The following SNTG1 variants were observed in gnomAD, a reference collection of about 807,000 sequenced individuals.
The protein encoded by SNTG1 is gamma-1-syntrophin.
In SNTG1, 39 loss-of-function variants were observed where a neutral mutation model predicts 74.7. The ratio of observed to expected loss-of-function variants is 0.52; its 90% CI spans 0.40 to 0.68. The LOEUF (loss-of-function observed/expected upper bound fraction) is 0.68. SNTG1 is among the 30% of genes least tolerant of loss of function. SNTG1 has a pLI of 0.00. For synonymous variants in SNTG1, 254 were observed against 217.1 expected (o/e 1.17, Z -1.49); for missense variants, 685 against 609.5 (o/e 1.12, Z -1.30).
At chr8:50,621,163 T>C (rs2094920922) in intron 13 of SNTG1, among the ~76,000 whole-genome samples, 1 of 152,110 alleles carries the variant, frequency 6.6e-6, no homozygotes, top group East Asian at 1.9e-4. Context: ...TACTCTATTT[T>C]TCTCAGATCT....
At chr8:50,008,385 G>A (rs1194932285) in intron 1 of SNTG1, among the ~76,000 whole-genome samples, 1 of 152,166 alleles carries the variant, frequency 6.6e-6, no homozygotes, top group Non-Finnish European at 1.5e-5. Flanking sequence ...GTCTGGATAA[G>A]CACCTGATTA....
intron 2 of SNTG1, among the ~76,000 whole-genome samples, chr8:50,245,731 T>C (rs1310457919): frequency 2.0e-5 from 3 of 151,928 alleles, no homozygotes; most frequent in African/African-American, 4.8e-5. Context: ...GGATGTAAAA[T>C]AGATGTAAAG....
chr8:50,132,681 G>A (rs148530744), intron 1 of SNTG1, among the ~76,000 whole-genome samples: 1,733 of 152,284 alleles, frequency 0.011, 13 homozygotes, highest in Middle Eastern at 0.041. Context: ...CCATTGGACA[G>A]TGACTCTGCA....
At chr8:50,232,876 C>G (rs556603954) in intron 2 of SNTG1, among the ~76,000 whole-genome samples, 1 of 151,370 alleles carries the variant, frequency 6.6e-6, no homozygotes, top group South Asian at 2.1e-4. Flanking sequence ...CTTAAAACAC[C>G]TACAGGACTT....
In SNTG1 at chr8:50,656,997, C is replaced by A; in HGVS notation, c.938C>A (p.Ser313Ter). The change falls in exon 14 of 19, where the codon TCA (serine) becomes TAA (stop). Residue 313 changes from serine to a stop codon, truncating the protein, a stop_gained. Coordinates refer to ENST00000642720, the MANE Select transcript of SNTG1 (RefSeq NM_018967.5). LOFTEE classifies it high-confidence loss of function. ...YSPTFLALRG[S>*]CLYKFLAPPV... is the part of the protein sequence containing the mutation. The stretch of plus-strand genomic sequence containing the variant: ...CCGACCTTCCTGGCCCTGAGGGGCT[C>A]ATGTCTCTACAAGTTTCTGGCACCT... The A allele has an allele frequency of 6.4e-7, 1 of 1,569,982 alleles. No homozygotes were observed. The highest frequency in any genetic ancestry group is 8.6e-7 in the Non-Finnish European group (1 of 1,161,070).
chr8:50,010,554 C>T (rs1293183783), intron 1 of SNTG1, among the ~76,000 whole-genome samples: 3 of 151,982 alleles, frequency 2.0e-5, no homozygotes, highest in African/African-American at 7.2e-5. Context: ...ATCATATACC[C>T]TAAAGAATCA....
intron 11 of SNTG1, among the ~76,000 whole-genome samples, chr8:50,547,915 T>C (rs1453493513): frequency 6.6e-6 from 1 of 152,106 alleles, no homozygotes; most frequent in East Asian, 1.9e-4. Context: ...GATTCAGGAA[T>C]AAAAGGACAG....
At chr8:50,560,720 T>A (rs1356990871) in intron 12 of SNTG1, among the ~76,000 whole-genome samples, 1 of 151,860 alleles carries the variant, frequency 6.6e-6, no homozygotes, top group Non-Finnish European at 1.5e-5. Context: ...CTGGTTGTTG[T>A]TGGAGGGGAG....
chr8:50,102,638 C>G (rs2080184257), intron 1 of SNTG1, among the ~76,000 whole-genome samples: 2 of 149,102 alleles, frequency 1.3e-5, no homozygotes, highest in African/African-American at 5.1e-5. Context: ...CTTGCCCATG[C>G]CTATGTCCTG....
At chr8:50,749,305 G>A (rs1250335007) in intron 17 of SNTG1, among the ~76,000 whole-genome samples, 2 of 152,042 alleles carry the variant, frequency 1.3e-5, no homozygotes, top group Non-Finnish European at 2.9e-5. Context: ...AGAAGCTGAA[G>A]AAGAAAAGGT....
chr8:50,702,289 TG>T (rs1212019164), intron 15 of SNTG1, among the ~76,000 whole-genome samples: 2 of 152,272 alleles, frequency 1.3e-5, no homozygotes, highest in Middle Eastern at 3.4e-3. Context: ...ATCATTAGAT[TG>T]TACTCTCAAA....
intron 13 of SNTG1, among the ~76,000 whole-genome samples, chr8:50,617,743 G>A (rs2094894927): frequency 1.3e-5 from 2 of 152,148 alleles, no homozygotes; most frequent in Non-Finnish European, 2.9e-5. Context: ...ACATGACTGG[G>A]GGCTGCATGC....
chr8:49,972,193 G>A (rs560974388), intron 1 of SNTG1, among the ~76,000 whole-genome samples: 3 of 152,094 alleles, frequency 2.0e-5, no homozygotes. Context: ...ACAGAACAGA[G>A]CCCTCAGAAA....
chr8:50,175,179 G>T (rs916865934), intron 2 of SNTG1, among the ~76,000 whole-genome samples: 1 of 152,120 alleles, frequency 6.6e-6, no homozygotes, highest in Non-Finnish European at 1.5e-5. Flanking sequence ...ACATACGTGT[G>T]CATGTGTCTT....
chr8:50,209,998 G>A (rs1007340036), intron 2 of SNTG1, among the ~76,000 whole-genome samples: 11 of 152,168 alleles, frequency 7.2e-5, no homozygotes, highest in African/African-American at 2.7e-4. Flanking sequence ...TAGACGAATG[G>A]CTAACTAGAA....
chr8:50,450,418 G>A, intron 6 of SNTG1, 138 bp from the exon 7 acceptor site: 2 of 825,528 alleles, frequency 2.4e-6, no homozygotes, highest in Non-Finnish European at 3.7e-6. Flanking sequence ...TCCATTTTTT[G>A]TGGATCTTTT....
At chr8:49,966,974 A>G (rs1026571381) in intron 1 of SNTG1, among the ~76,000 whole-genome samples, 6 of 152,152 alleles carry the variant, frequency 3.9e-5, no homozygotes, top group African/African-American at 1.2e-4. Flanking sequence ...ATTTTTTTCA[A>G]TAATCTATAA....
At chr8:50,249,767 C>T (rs542241393) in intron 2 of SNTG1, among the ~76,000 whole-genome samples, 1 of 152,064 alleles carries the variant, frequency 6.6e-6, no homozygotes, top group Non-Finnish European at 1.5e-5. Flanking sequence ...TCACCCAGAA[C>T]CAAAGCCAAT....
At chr8:49,956,429 T>C (rs1283047650) in intron 1 of SNTG1, among the ~76,000 whole-genome samples, 4 of 152,202 alleles carry the variant, frequency 2.6e-5, no homozygotes, top group Non-Finnish European at 5.9e-5. Flanking sequence ...ATCTCCTCAG[T>C]GTGTGTTAAA....
Sources: allele counts gnomAD v4.1 joint callset (sites outside exome capture counted in the v4.1 genomes callset), GRCh38; gene constraint gnomAD v4.1.1; transcripts MANE v1.5; gene names NCBI Gene and HGNC (gene_info 2026-07-23, HGNC 2026-07-21).